SLC16A12: variants seen among roughly 807,000 people sequenced by gnomAD.
The protein encoded by SLC16A12 is solute carrier family 16 member 12, also known as monocarboxylate transporter 12.
A neutral mutation model predicts 42.4 loss-of-function variants in SLC16A12; 17 were observed. That is an observed-to-expected ratio of 0.40 (90% CI 0.27 to 0.60). The LOEUF is 0.60. Ranked by LOEUF, SLC16A12 falls within the 20% of genes least tolerant of loss-of-function variation. The pLI, the probability that SLC16A12 is intolerant of heterozygous loss-of-function variation, is 0.42. For synonymous variants in SLC16A12, 224 were observed against 229.4 expected (o/e 0.98, Z 0.21); for missense variants, 544 against 623.0 (o/e 0.87, Z 1.35).
intron 2 of SLC16A12, among the ~76,000 whole-genome samples, chr10:89,511,841 TCAA>T (rs1843166816): frequency 6.6e-6 from 1 of 152,124 alleles, no homozygotes; most frequent in South Asian, 2.1e-4. Flanking sequence ...AAGCCAGGAC[TCAA>T]ACAAATGTTT....
At chr10:89,513,651 T>C (rs1203551520) in intron 2 of SLC16A12, among the ~76,000 whole-genome samples, 1 of 152,186 alleles carries the variant, frequency 6.6e-6, no homozygotes, top group Non-Finnish European at 1.5e-5. Context: ...ACTAATCAAA[T>C]GTGACTTGAT....
Position 89,463,981 on chromosome 10 carries a change from C to T in SLC16A12, c.-46-1357G>A, listed in dbSNP as rs563211293. Among the ~76,000 whole-genome samples the T allele has an allele frequency of 7.2e-5, 11 of 152,238 alleles. No individual in the cohort carries two copies. In the South Asian group the frequency reaches 1.0e-3, roughly 14 times the overall value. On this transcript the variant is annotated intron_variant, in intron 2 of 7. Transcript: ENST00000371790. ...GCTTCTACCCAACAGAATATGGCAC[C>T]TGTGATGGAACCTGACTCTCGTAAT...
intron 3 of SLC16A12, among the ~76,000 whole-genome samples, chr10:89,460,738 C>A (rs912018858): frequency 2.7e-5 from 3 of 112,542 alleles, no homozygotes; most frequent in Admixed American, 1.0e-4. Context: ...GAGGGAGACA[C>A]TGTCTCAAAA....
intron 6 of SLC16A12, among the ~76,000 whole-genome samples, chr10:89,437,011 T>C (rs1382065098): frequency 1.3e-5 from 2 of 152,198 alleles, no homozygotes; most frequent in African/African-American, 2.4e-5. Context: ...GCAGCCCATG[T>C]GCCACAGGTT....
intron 2 of SLC16A12, among the ~76,000 whole-genome samples, chr10:89,497,354 CAA>C (rs1842935123): frequency 1.3e-5 from 2 of 152,132 alleles, no homozygotes; most frequent in South Asian, 2.1e-4. Flanking sequence ...CAGGTAGAAA[CAA>C]AGAAATTCAG....
At chr10:89,544,993 C>A (rs1843734688) in intron 2 of SLC16A12, among the ~76,000 whole-genome samples, 1 of 152,142 alleles carries the variant, frequency 6.6e-6, no homozygotes, top group Non-Finnish European at 1.5e-5. Flanking sequence ...GATAGTGGGC[C>A]AATTCTGAGT....
intron 3 of SLC16A12, among the ~76,000 whole-genome samples, chr10:89,461,680 A>G (rs1258163215): frequency 2.6e-5 from 4 of 152,222 alleles, no homozygotes; most frequent in Admixed American, 2.6e-4. Context: ...TAAAACTTTA[A>G]TGAATAAGAT....
chr10:89,491,509 G>GT (rs201689489), intron 2 of SLC16A12, among the ~76,000 whole-genome samples: 10,824 of 145,972 alleles, frequency 0.074, 488 homozygotes, highest in East Asian at 0.16. Context: ...CCCTAGAGGA[G>GT]TTTTTTTTTT....
rs7918159 is a variant in SLC16A12, at chr10:89,441,512, T to G, written c.305-261A>C. Among the ~76,000 whole-genome samples, 9,207 of 152,292 alleles carry G rather than the reference T, an allele frequency of 0.06. 560 individuals carry two copies. Among genetic ancestry groups the G allele is most frequent in the African/African-American group, 0.16 (6,682 of 41,544 alleles). On this transcript the variant is annotated intron_variant, in intron 4 of 7. Transcript: ENST00000371790. The stretch of plus-strand genomic sequence containing the variant: ...CCTCTTCATTCTATTATAGTCATAA[T>G]GGCAGGACGGTAGGGTGTTTTTTAA...
intron 3 of SLC16A12, among the ~76,000 whole-genome samples, chr10:89,446,344 G>A (rs541882918): frequency 6.6e-6 from 1 of 152,164 alleles, no homozygotes; most frequent in Non-Finnish European, 1.5e-5. Flanking sequence ...AAAATGTTAA[G>A]GGCAGTCAGA....
chr10:89,517,458 A>C (rs1843272316), intron 2 of SLC16A12, among the ~76,000 whole-genome samples: 1 of 151,104 alleles, frequency 6.6e-6, no homozygotes, highest in South Asian at 2.1e-4. Flanking sequence ...CTATAATCAC[A>C]TGCCACTTGC....
rs556158399 is a variant in SLC16A12 at position 89,498,789 on chromosome 10, C to T, written c.-47+35712G>A. ...TATCCATGTCTGAGAGACCCACAGA[C>T]GCTCCACATCATAGGCCTCTGTGCA... On this transcript the variant is annotated intron_variant, in intron 2 of 7. Coordinates refer to ENST00000371790, the MANE Select transcript of SLC16A12 (RefSeq NM_213606.4). 6.6e-5 allele frequency among the ~76,000 whole-genome samples: 10 copies of T among 152,282 alleles called. No individual in the cohort carries two copies. In the East Asian group the frequency reaches 7.7e-4, roughly 12 times the overall value.
chr10:89,443,664 AG>A, intron 4 of SLC16A12, 91 bp downstream of exon 4: 3 of 930,862 alleles, frequency 3.2e-6, no homozygotes, highest in Admixed American at 3.7e-5. Context: ...CCTTCTACTT[AG>A]GAAAACTAGT....
chr10:89,502,188 C>A (rs1842999528), intron 2 of SLC16A12, among the ~76,000 whole-genome samples: 1 of 152,104 alleles, frequency 6.6e-6, no homozygotes, highest in Non-Finnish European at 1.5e-5. Context: ...CGGTGGCTCA[C>A]ACCTATAATC....
rs1323089799 is a variant in SLC16A12, at chr10:89,555,113, T to A, written c.-47+769A>T. Among the ~76,000 whole-genome samples the A allele has an allele frequency of 5.3e-5, 8 of 152,234 alleles. No homozygotes were observed. The East Asian group carries it at 1.5e-3, about 29-fold the overall frequency. ...GAATGAAGTCTTCAGGATTAGCAAT[T>A]ACCTTTGGAAAGGGCCCATCGTGAT... is the stretch of plus-strand genomic sequence containing the variant. On this transcript the variant is annotated intron_variant, in intron 2 of 2. Coordinates refer to the SLC16A12 transcript ENST00000475682.
At chr10:89,530,671 G>A (rs565064578) in intron 2 of SLC16A12, among the ~76,000 whole-genome samples, 1 of 152,060 alleles carries the variant, frequency 6.6e-6, no homozygotes, top group East Asian at 1.9e-4. Context: ...TGCCCGCCCC[G>A]GCCTCCCAAA....
At chr10:89,440,321 G>C (rs1841884751) in intron 5 of SLC16A12, among the ~76,000 whole-genome samples, 1 of 152,122 alleles carries the variant, frequency 6.6e-6, no homozygotes, top group South Asian at 2.1e-4. Context: ...TGGTAAACTG[G>C]GATCCATTGG....
chr10:89,550,891 G>A (rs1451264335), intron 2 of SLC16A12, among the ~76,000 whole-genome samples: 5 of 152,162 alleles, frequency 3.3e-5, no homozygotes. Flanking sequence ...TTGATTTTGT[G>A]TGTCACTAAA....
chr10:89,527,203 T>A (rs1843467926), intron 2 of SLC16A12, among the ~76,000 whole-genome samples: 1 of 151,380 alleles, frequency 6.6e-6, no homozygotes, highest in Non-Finnish European at 1.5e-5. Context: ...AGGGGCTGAG[T>A]AGGGCGTGGT....
Sources: allele counts gnomAD v4.1 joint callset (sites outside exome capture counted in the v4.1 genomes callset), GRCh38; gene constraint gnomAD v4.1.1; transcripts MANE v1.5; gene names NCBI Gene and HGNC (gene_info 2026-07-23, HGNC 2026-07-21).